AGBL4: variants seen among roughly 807,000 people sequenced by gnomAD.
The protein encoded by AGBL4 is AGBL carboxypeptidase 4, also known as cytosolic carboxypeptidase 6.
In AGBL4, 58 loss-of-function variants were observed where a neutral mutation model predicts 66.4. The observed-to-expected ratio is 0.87, with a 90% confidence interval of 0.71 to 1.09. AGBL4 has a LOEUF of 1.09. Ranked by LOEUF, AGBL4 falls within the 50% of genes least tolerant of loss-of-function variation. The pLI is 0.00. For synonymous variants in AGBL4, 234 were observed against 222.9 expected, an observed-to-expected ratio of 1.05 and a Z score of -0.44; for missense variants, 579 against 631.0, an observed-to-expected ratio of 0.92 and a Z score of 0.88.
chr1:49,388,023 G>C (rs1436403425), intron 3 of AGBL4, among the ~76,000 whole-genome samples: 1 of 151,978 alleles, frequency 6.6e-6, no homozygotes, highest in Non-Finnish European at 1.5e-5. Flanking sequence ...TGTAAAGACT[G>C]AACAAAATAA....
intron 5 of AGBL4, among the ~76,000 whole-genome samples, chr1:49,041,099 G>C (rs955546092): frequency 1.3e-5 from 2 of 152,018 alleles, no homozygotes; most frequent in African/African-American, 4.8e-5. Flanking sequence ...GATATAATTA[G>C]TACCAGTAAC....
At chr1:48,859,482 G>A (rs1236107578) in intron 6 of AGBL4, among the ~76,000 whole-genome samples, 2 of 151,794 alleles carry the variant, frequency 1.3e-5, no homozygotes, top group Non-Finnish European at 2.9e-5. Context: ...TTCTTTTCCT[G>A]TCTCACTTCC....
At position 49,844,083 on chromosome 1, in the gene AGBL4, T is replaced by A. The variant is rs1016110267; in HGVS notation, c.157+7313A>T. Among the ~76,000 whole-genome samples, 3 of 152,340 alleles carry A rather than the reference T, an allele frequency of 2.0e-5. No individual in the cohort carries two copies. In the East Asian group the frequency reaches 5.8e-4, roughly 29 times the overall value. On this transcript the variant is annotated intron_variant, in intron 2 of 13. Coordinates refer to ENST00000371839, the MANE Select transcript of AGBL4 (RefSeq NM_032785.4). ...ACAGACAAAATAAGGCAGATCAAAG[T>A]ACTTTAATACACCAAGGGTCATTTA...
chr1:48,554,383 G>A (rs1040401950), intron 11 of AGBL4, among the ~76,000 whole-genome samples: 1 of 152,164 alleles, frequency 6.6e-6, no homozygotes, highest in Non-Finnish European at 1.5e-5. Flanking sequence ...AGACAATAAA[G>A]AGGAATTGGC....
intron 3 of AGBL4, among the ~76,000 whole-genome samples, chr1:49,549,135 G>A (rs1018411123): frequency 6.6e-6 from 1 of 151,994 alleles, no homozygotes; most frequent in Non-Finnish European, 1.5e-5. Context: ...GGTGCCAGTT[G>A]TAATATCCCG....
At chr1:48,543,230 T>A (rs1361386587) in intron 11 of AGBL4, among the ~76,000 whole-genome samples, 3 of 152,138 alleles carry the variant, frequency 2.0e-5, no homozygotes, top group Non-Finnish European at 4.4e-5. Context: ...GAGGGGGGCA[T>A]GCAGGGTAAT....
chr1:49,977,555 C>G (rs1038162974), intron 1 of AGBL4, among the ~76,000 whole-genome samples: 1 of 152,202 alleles, frequency 6.6e-6, no homozygotes, highest in Admixed American at 6.5e-5. Flanking sequence ...GGCTCCAATG[C>G]CACAGCCCAT....
At chr1:48,818,592 G>A (rs1165808343) in intron 6 of AGBL4, among the ~76,000 whole-genome samples, 3 of 152,076 alleles carry the variant, frequency 2.0e-5, no homozygotes, top group Admixed American at 6.5e-5. Flanking sequence ...GCACTTAAAC[G>A]TTCAACCAAA....
chr1:48,535,511 A>AGTAG (rs1643955201), intron 12 of AGBL4, among the ~76,000 whole-genome samples: 1 of 152,030 alleles, frequency 6.6e-6, no homozygotes, highest in Non-Finnish European at 1.5e-5. Context: ...TCTGGTGTGG[A>AGTAG]GTAGGTGCTT....
intron 5 of AGBL4, among the ~76,000 whole-genome samples, chr1:48,870,935 G>C (rs1648591936): frequency 6.6e-6 from 1 of 152,118 alleles, no homozygotes; most frequent in Non-Finnish European, 1.5e-5. Context: ...ACAATTTTTA[G>C]CTAAGAAACT....
intron 4 of AGBL4, among the ~76,000 whole-genome samples, chr1:49,178,072 T>G (rs1011370078): frequency 6.6e-6 from 1 of 152,054 alleles, no homozygotes; most frequent in Non-Finnish European, 1.5e-5. Context: ...CTAGAAAAAG[T>G]CAGTGTATTT....
At chr1:49,247,826 T>C (rs986538895) in intron 3 of AGBL4, among the ~76,000 whole-genome samples, 12 of 152,300 alleles carry the variant, frequency 7.9e-5, no homozygotes, top group African/African-American at 2.6e-4. Context: ...ATTTGTTTAC[T>C]CCATTTATAA....
At chr1:49,101,919 G>C (rs1336589378) in intron 4 of AGBL4, among the ~76,000 whole-genome samples, 1 of 152,090 alleles carries the variant, frequency 6.6e-6, no homozygotes, top group Admixed American at 6.6e-5. Context: ...GAGCTTACTA[G>C]TGAGAAGTCC....
At position 49,037,090 on chromosome 1, in the gene AGBL4, ATGC is replaced by A. The variant is rs892109187; in HGVS notation, c.594+8491_594+8493del. Among the ~76,000 whole-genome samples, 9 of 152,174 alleles carry A rather than the reference ATGC, an allele frequency of 5.9e-5. No individual in the cohort carries two copies. The South Asian group carries it at 1.7e-3, about 28-fold the overall frequency. On this transcript the variant is annotated intron_variant, in intron 5 of 13. Coordinates refer to ENST00000371839, the MANE Select transcript of AGBL4 (RefSeq NM_032785.4). ...TAATAATAAAAAAAGAAAAAAGAAG[ATGC>A]TGGTTTTTACAGTTTAGGTCTTTGT...
At chr1:49,600,312 A>G (rs1644929619) in intron 3 of AGBL4, among the ~76,000 whole-genome samples, 1 of 152,150 alleles carries the variant, frequency 6.6e-6, no homozygotes, top group African/African-American at 2.4e-5. Flanking sequence ...GGGTGCATAT[A>G]TATTTAGGAT....
chr1:49,963,982 T>C (rs1336531900), intron 1 of AGBL4, among the ~76,000 whole-genome samples: 1 of 152,086 alleles, frequency 6.6e-6, no homozygotes, highest in Non-Finnish European at 1.5e-5. Context: ...AGGTTTTCTG[T>C]TTCTCATGCA....
chr1:48,659,225 T>C (rs1343947102), intron 7 of AGBL4, among the ~76,000 whole-genome samples: 1 of 152,194 alleles, frequency 6.6e-6, no homozygotes, highest in Non-Finnish European at 1.5e-5. Flanking sequence ...AACTGTCTCA[T>C]TAAACCCTCA....
intron 3 of AGBL4, among the ~76,000 whole-genome samples, chr1:49,680,240 G>A (rs964582181): frequency 2.6e-5 from 4 of 151,486 alleles, no homozygotes; most frequent in East Asian, 1.9e-4. Context: ...TAGTAGAGAT[G>A]GGGTTTCACC....
chr1:49,832,809 C>T (rs1645730009), intron 2 of AGBL4, among the ~76,000 whole-genome samples: 2 of 152,086 alleles, frequency 1.3e-5, no homozygotes, highest in Admixed American at 1.3e-4. Context: ...TGAGAAGTGT[C>T]TGTTCATGTC....
Sources: gnomAD v4.1 joint callset for allele counts (sites outside exome capture counted in the v4.1 genomes callset) on GRCh38, gnomAD v4.1.1 for gene constraint, MANE v1.5 for transcripts, NCBI Gene and HGNC (gene_info 2026-07-23, HGNC 2026-07-21) for gene names.